GULP1: variants seen among roughly 807,000 people sequenced by gnomAD.
The protein encoded by GULP1 is PTB domain-containing engulfment adapter protein 1.
A neutral mutation model predicts 40.9 loss-of-function variants in GULP1; 19 were observed. That is an observed-to-expected ratio of 0.46 (90% CI 0.32 to 0.68). The LOEUF is 0.68. GULP1 is among the 30% of genes least tolerant of loss of function. GULP1 has a pLI of 0.03. For missense variants in GULP1, 312 were observed against 362.2 expected (o/e 0.86, Z 1.12); for synonymous variants, 119 against 117.6 (o/e 1.01, Z -0.08).
chr2:188,413,780 AAGGTTGGTTATTTATT>A, intron 2 of GULP1, among the ~76,000 whole-genome samples: 1 of 152,286 alleles, frequency 6.6e-6, no homozygotes, highest in African/African-American at 2.4e-5. Flanking sequence ...ACTAATTGTA[AAGGTTGGTTATTTATT>A]GAGAGAGCTA....
intron 2 of GULP1, among the ~76,000 whole-genome samples, chr2:188,396,970 C>T (rs2051367563): frequency 6.6e-6 from 1 of 152,206 alleles, no homozygotes; most frequent in African/African-American, 2.4e-5. Flanking sequence ...CCCCTGTAGC[C>T]TGGATTGCCA....
intron 2 of GULP1, among the ~76,000 whole-genome samples, chr2:188,399,687 C>CAACA (rs1445167927): frequency 2.1e-4 from 1 of 4,764 alleles, no homozygotes; most frequent in South Asian, 7.4e-3. Context: ...CCTGTCCCTA[C>CAACA]AAGAAAAAAA....
chr2:188,340,598 A>C (rs146536049), intron 1 of GULP1, among the ~76,000 whole-genome samples: 23 of 152,212 alleles, frequency 1.5e-4, no homozygotes, highest in African/African-American at 5.1e-4. Context: ...TGGATGACTT[A>C]AGTGTTAAAT....
intron 1 of GULP1, among the ~76,000 whole-genome samples, chr2:188,365,288 G>C (rs80154547): frequency 0.11 from 16,290 of 152,118 alleles, 1,141 homozygotes; most frequent in Middle Eastern, 0.17. Flanking sequence ...TTCCTGGATT[G>C]ACTGGGAAGG....
At chr2:188,569,543 T>G (rs1419874707) in intron 8 of GULP1, 188 bp downstream of exon 8, 2 of 535,684 alleles carry the variant, frequency 3.7e-6, no homozygotes, top group Non-Finnish European at 6.6e-6. Context: ...TTTAACTATT[T>G]TATATTGAAT....
chr2:188,343,250 A>G (rs2043196846), intron 1 of GULP1, among the ~76,000 whole-genome samples: 3 of 152,234 alleles, frequency 2.0e-5, no homozygotes, highest in African/African-American at 4.8e-5. Context: ...AGGATAATTC[A>G]TGAAGAAATG....
chr2:188,507,310 A>G (rs1163130481), intron 4 of GULP1, among the ~76,000 whole-genome samples: 1 of 151,406 alleles, frequency 6.6e-6, no homozygotes, highest in Admixed American at 6.6e-5. Flanking sequence ...TTATGGAGTG[A>G]TGCTTCCTGG....
Position 188,594,209 on chromosome 2 carries a change from T to C in GULP1, c.*198T>C, listed in dbSNP as rs1375312108. The C allele has an allele frequency of 7.5e-6, 3 of 397,396 alleles. No individual in the cohort carries two copies. The East Asian group carries it at 1.1e-4, about 14-fold the overall frequency. The allele number at this position is 397,396 out of a possible 1,614,324, so 24.6% of individuals were successfully genotyped here. A position where few individuals can be genotyped will look rare whatever the true frequency, so the allele number is the denominator to read the frequency against. ...ATTTTAAAAACAGCTTACTGTAAAG[T>C]AGATCATACTTTTATGTTCCTTTCT... On this transcript the variant is annotated 3_prime_UTR_variant, in exon 12 of 12. Transcript: ENST00000409830.
intron 3 of GULP1, among the ~76,000 whole-genome samples, chr2:188,480,694 A>G (rs563305099): frequency 2.6e-5 from 4 of 151,590 alleles, no homozygotes; most frequent in Non-Finnish European, 4.4e-5. Flanking sequence ...CCCAATGTTA[A>G]TTTTCTTTTA....
At chr2:188,392,220 C>G (rs998264489) in intron 2 of GULP1, among the ~76,000 whole-genome samples, 9 of 151,974 alleles carry the variant, frequency 5.9e-5, no homozygotes, top group African/African-American at 2.2e-4. Context: ...GCTGTGAATG[C>G]ACCTGGCCCT....
At chr2:188,518,441 T>C (rs941107809) in intron 4 of GULP1, among the ~76,000 whole-genome samples, 1 of 152,088 alleles carries the variant, frequency 6.6e-6, no homozygotes, top group African/African-American at 2.4e-5. Context: ...GTTACAAAAC[T>C]TGACTTGGCT....
intron 2 of GULP1, among the ~76,000 whole-genome samples, chr2:188,414,217 A>C (rs1214235719): frequency 8.1e-6 from 1 of 123,808 alleles, no homozygotes; most frequent in Non-Finnish European, 1.8e-5. Flanking sequence ...ACTCCATCTC[A>C]AAAAAAAAAA....
intron 5 of GULP1, among the ~76,000 whole-genome samples, chr2:188,524,148 T>A (rs1685539710): frequency 6.6e-6 from 1 of 152,196 alleles, no homozygotes; most frequent in Non-Finnish European, 1.5e-5. Flanking sequence ...GAAAGAACAA[T>A]GTTATTTACA....
intron 6 of GULP1, among the ~76,000 whole-genome samples, chr2:188,538,013 C>T (rs893704694): frequency 1.3e-5 from 2 of 151,914 alleles, no homozygotes; most frequent in Admixed American, 6.6e-5. Flanking sequence ...TTTGTATTTC[C>T]GTGGGATCAG....
intron 1 of GULP1, among the ~76,000 whole-genome samples, chr2:188,313,246 G>A (rs974963787): frequency 6.6e-6 from 1 of 152,084 alleles, no homozygotes; most frequent in Non-Finnish European, 1.5e-5. Flanking sequence ...GGTTTTTATG[G>A]TTTTGGGTTT....
At chr2:188,479,003 G>A (rs1397141894) in intron 3 of GULP1, among the ~76,000 whole-genome samples, 1 of 152,132 alleles carries the variant, frequency 6.6e-6, no homozygotes, top group African/African-American at 2.4e-5. Flanking sequence ...AATGAGAGCT[G>A]TCTTTCAATA....
Position 188,550,820 on chromosome 2 carries a change from A to G in GULP1, c.399+9502A>G, listed in dbSNP as rs185137530. On this transcript the variant is annotated intron_variant, in intron 7 of 11. Coordinates refer to ENST00000409830, the MANE Select transcript of GULP1 (RefSeq NM_016315.4). Reference sequence around the variant, plus strand: ...ATTAATGTTTTTTTTATTTCATTACATGATTGAGGGAGAGCTAATTTCTTA... The same window carrying G: ...ATTAATGTTTTTTTTATTTCATTACGTGATTGAGGGAGAGCTAATTTCTTA... Among the ~76,000 whole-genome samples the G allele has an allele frequency of 2.0e-4, 30 of 151,688 alleles. No homozygotes were observed. The East Asian group carries it at 5.8e-3, about 29-fold the overall frequency.
At chr2:188,463,650 C>T (rs963708369) in intron 2 of GULP1, among the ~76,000 whole-genome samples, 2 of 152,040 alleles carry the variant, frequency 1.3e-5, no homozygotes, top group African/African-American at 2.4e-5. Context: ...TGCCCTGTTG[C>T]GGCTTTCTAG....
intron 9 of GULP1, 71 bp from the exon 10 acceptor site, chr2:188,584,194 G>A (rs1000095123): frequency 9.2e-6 from 9 of 978,358 alleles, no homozygotes; most frequent in African/African-American, 4.9e-5. Context: ...TATTTTATAT[G>A]CATATGAAAT....
Sources: gnomAD v4.1 joint callset for allele counts (sites outside exome capture counted in the v4.1 genomes callset) on GRCh38, gnomAD v4.1.1 for gene constraint, MANE v1.5 for transcripts, NCBI Gene and HGNC (gene_info 2026-07-23, HGNC 2026-07-21) for gene names.